Variants in ZNG1E observed in about 807,000 individuals in gnomAD.
ZNG1E encodes the protein Zn regulated GTPase metalloprotein activator 1E.
chr9:65,704,689 G>A, the ZNG1E span: 1 of 526,686 alleles, frequency 1.9e-6, no homozygotes, highest in East Asian at 1.4e-4. Context: ...AAGGTGGGCG[G>A]ATCACGAGGT....
chr9:65,668,455 C>T, the ZNG1E span, among the ~76,000 whole-genome samples: 12 of 150,344 alleles, frequency 8.0e-5, no homozygotes, highest in African/African-American at 2.9e-4. Context: ...AGTTATAATA[C>T]ATTCAGGTAT....
At chr9:65,681,788 C>G in the ZNG1E span, 4 of 1,475,078 alleles carry the variant, frequency 2.7e-6, no homozygotes, top group African/African-American at 5.7e-5. Context: ...ATTGTATTTT[C>G]AAACAAATAG....
At chr9:65,684,540 A>ACGCACGCACACG in the ZNG1E span, among the ~76,000 whole-genome samples, 1 of 141,716 alleles carries the variant, frequency 7.1e-6, no homozygotes, top group African/African-American at 2.8e-5. Context: ...GTATACACAC[A>ACGCACGCACACG]CACACGCACG....
At chr9:65,707,374 CTT>C in the ZNG1E span, 1 of 73,320 alleles carries the variant, frequency 1.4e-5, no homozygotes, top group East Asian at 3.1e-4. Flanking sequence ...AATATTAAGA[CTT>C]TGGCCTTTTA....
the ZNG1E span, chr9:65,691,140 T>C: frequency 7.5e-7 from 1 of 1,335,882 alleles, no homozygotes; most frequent in South Asian, 1.3e-5. Context: ...TGGAGTGCAG[T>C]GGCATGATCT....
the ZNG1E span, among the ~76,000 whole-genome samples, chr9:65,728,577 G>A: frequency 1.3e-5 from 2 of 148,352 alleles, no homozygotes; most frequent in Admixed American, 6.8e-5. Context: ...GATATTCAAG[G>A]CTACTATGAA....
chr9:65,688,178 CATTA>C, the ZNG1E span, among the ~76,000 whole-genome samples: 146 of 148,038 alleles, frequency 9.9e-4, no homozygotes, highest in African/African-American at 3.4e-3. Context: ...TTGGTTAAGT[CATTA>C]ATTATTAATT....
chr9:65,680,237 TA>T, the ZNG1E span, among the ~76,000 whole-genome samples: 3 of 152,216 alleles, frequency 2.0e-5, no homozygotes, highest in African/African-American at 7.2e-5. Context: ...TTTTCAGTTG[TA>T]AAAAGTAAAA....
chr9:65,660,057 A>G, the ZNG1E span, among the ~76,000 whole-genome samples: 1 of 138,758 alleles, frequency 7.2e-6, no homozygotes, highest in African/African-American at 2.9e-5. Context: ...ATAAATTGTG[A>G]AAGAGGAAAA....
At chr9:65,658,647 C>T in the ZNG1E span, among the ~76,000 whole-genome samples, 1 of 149,190 alleles carries the variant, frequency 6.7e-6, no homozygotes, top group African/African-American at 2.5e-5. Flanking sequence ...TTTTAAAATA[C>T]CGATATATTA....
At chr9:65,667,185 T>C in the ZNG1E span, among the ~76,000 whole-genome samples, 1 of 152,232 alleles carries the variant, frequency 6.6e-6, no homozygotes, top group African/African-American at 2.4e-5. Context: ...CCAGCACTAT[T>C]ATCAAGATGC....
chr9:65,663,103 T>C, the ZNG1E span, among the ~76,000 whole-genome samples: 6 of 152,238 alleles, frequency 3.9e-5, no homozygotes, highest in African/African-American at 1.2e-4. Context: ...CTGTTAAATG[T>C]TTATCAGATG....
At chr9:65,722,562 A>G in the ZNG1E span, among the ~76,000 whole-genome samples, 2 of 69,290 alleles carry the variant, frequency 2.9e-5, no homozygotes, top group African/African-American at 1.3e-4. Flanking sequence ...CACTCCGGCT[A>G]GAGTCTCACC....
chr9:65,709,210 A>G, the ZNG1E span, among the ~76,000 whole-genome samples: 15 of 143,178 alleles, frequency 1.0e-4, no homozygotes, highest in East Asian at 2.2e-3. Flanking sequence ...ACACTTCTAC[A>G]CCAAACACTA....
At chr9:65,721,477 G>T in the ZNG1E span, among the ~76,000 whole-genome samples, 3 of 149,392 alleles carry the variant, frequency 2.0e-5, no homozygotes, top group Non-Finnish European at 2.9e-5. Flanking sequence ...AGATTTCAAA[G>T]ATATAAAAGA....
the ZNG1E span, among the ~76,000 whole-genome samples, chr9:65,659,181 C>T: frequency 6.6e-6 from 1 of 152,170 alleles, no homozygotes; most frequent in Non-Finnish European, 1.5e-5. Context: ...TTGGAAGACA[C>T]AGAGCAGTGC....
chr9:65,665,463 C>A, the ZNG1E span, among the ~76,000 whole-genome samples: 1 of 152,260 alleles, frequency 6.6e-6, no homozygotes, highest in African/African-American at 2.4e-5. Flanking sequence ...TTGGGAAACT[C>A]CGCCTAGATA....
the ZNG1E span, chr9:65,677,341 T>G: frequency 8.6e-7 from 1 of 1,161,076 alleles, no homozygotes; most frequent in Non-Finnish European, 1.2e-6. Flanking sequence ...CCATTTTCCC[T>G]TTTTGAAACA....
At chr9:65,672,469 G>A in the ZNG1E span, among the ~76,000 whole-genome samples, 74 of 145,568 alleles carry the variant, frequency 5.1e-4, no homozygotes, top group African/African-American at 8.3e-4. Flanking sequence ...AAAAAAGCCC[G>A]GCACAGTGGC....
Sources: allele counts gnomAD v4.1 joint callset (sites outside exome capture counted in the v4.1 genomes callset), GRCh38; gene constraint gnomAD v4.1.1; transcripts MANE v1.5; gene names NCBI Gene and HGNC (gene_info 2026-07-23, HGNC 2026-07-21).